Variants in ROCK1 observed in about 807,000 individuals in gnomAD.
The protein encoded by ROCK1 is rho-associated protein kinase 1.
Under a neutral mutation model 196.8 loss-of-function variants are expected in ROCK1, and 36 were observed. The ratio of observed to expected loss-of-function variants is 0.18; its 90% CI spans 0.14 to 0.24. The LOEUF (loss-of-function observed/expected upper bound fraction) is 0.24, where lower values mean the gene tolerates loss of function less well. Among genes scored for constraint, ROCK1 ranks in the 10% least tolerant of loss-of-function variants. ROCK1 has a pLI of 1.00. For missense variants in ROCK1, 920 were observed against 1,562.0 expected, an observed-to-expected ratio of 0.59 and a Z score of 6.93; for synonymous variants, 443 against 515.9, an observed-to-expected ratio of 0.86 and a Z score of 1.91.
chr18:21,057,479 T>C (rs2036253567), intron 2 of ROCK1, among the ~76,000 whole-genome samples: 1 of 152,168 alleles, frequency 6.6e-6, no homozygotes, highest in Non-Finnish European at 1.5e-5. Flanking sequence ...ATATATAAAC[T>C]CTTCAATCTA....
At chr18:21,038,093 T>C (rs2036072521) in intron 9 of ROCK1, among the ~76,000 whole-genome samples, 1 of 152,158 alleles carries the variant, frequency 6.6e-6, no homozygotes, top group Non-Finnish European at 1.5e-5. Context: ...AGATTTATAA[T>C]AATATTTGTA....
At position 21,049,798 on chromosome 18, in the gene ROCK1, T is replaced by A; in HGVS notation, c.258A>T (p.Ala86=). Residue 86 remains alanine, a synonymous_variant, in exon 3 of 33, where the codon GCA becomes GCT. Transcript: ENST00000399799. The part of the protein sequence containing the change: ...YEVVKVIGRG[A]FGEVQLVRHK... ...AACCTACCAATTGAACTTCTCCAAA[T>A]GCACCTCTACCAATCACCTTCACTA... The A allele has an allele frequency of 6.2e-7, 1 of 1,600,666 alleles. No individual in the cohort carries two copies. Among genetic ancestry groups the A allele is most frequent in the Non-Finnish European group, 8.5e-7 (1 of 1,171,854 alleles).
chr18:21,078,645 C>G (rs2143565652), intron 1 of ROCK1, among the ~76,000 whole-genome samples: 1 of 152,206 alleles, frequency 6.6e-6, no homozygotes, highest in Middle Eastern at 3.4e-3. Context: ...TAGTCTCCAC[C>G]ACAGGCTGGA....
intron 2 of ROCK1, among the ~76,000 whole-genome samples, chr18:21,054,680 T>A (rs1222098188): frequency 6.6e-6 from 1 of 152,130 alleles, no homozygotes; most frequent in Non-Finnish European, 1.5e-5. Context: ...TTACTGAACT[T>A]CTCTCCAATA....
chr18:20,973,288 T>C (rs1296702775), intron 22 of ROCK1, among the ~76,000 whole-genome samples: 1 of 152,158 alleles, frequency 6.6e-6, no homozygotes, highest in Non-Finnish European at 1.5e-5. Flanking sequence ...GTTGGAATCA[T>C]AATTTTTTTT....
At chr18:21,024,087 T>C (rs1238708144) in intron 10 of ROCK1, among the ~76,000 whole-genome samples, 1 of 152,060 alleles carries the variant, frequency 6.6e-6, no homozygotes, top group Non-Finnish European at 1.5e-5. Context: ...ATATAAGAAT[T>C]GGGGGTAAGA....
At chr18:21,042,532 G>A (rs2036116015) in intron 7 of ROCK1, 33 bp downstream of exon 7, 3 of 1,608,028 alleles carry the variant, frequency 1.9e-6, no homozygotes, top group East Asian at 2.2e-5. Flanking sequence ...ATGAACAACT[G>A]TAATAGAGAG....
At chr18:20,990,005 G>A (rs1404592971) in intron 18 of ROCK1, among the ~76,000 whole-genome samples, 2 of 152,098 alleles carry the variant, frequency 1.3e-5, no homozygotes, top group Non-Finnish European at 2.9e-5. Context: ...CACTTTGGGA[G>A]GCCGAGGTGG....
At chr18:21,013,656 G>GA (rs995636406) in intron 13 of ROCK1, among the ~76,000 whole-genome samples, 8 of 152,228 alleles carry the variant, frequency 5.3e-5, no homozygotes, top group Admixed American at 5.2e-4. Context: ...CACAGGAGAT[G>GA]AAAATTCCTT....
At chr18:21,074,315 T>G (rs1252951101) in intron 1 of ROCK1, among the ~76,000 whole-genome samples, 1 of 152,238 alleles carries the variant, frequency 6.6e-6, no homozygotes, top group East Asian at 1.9e-4. Context: ...GTGACATTAC[T>G]ATACCCATGT....
intron 16 of ROCK1, among the ~76,000 whole-genome samples, chr18:20,999,632 A>G (rs1418848838): frequency 6.6e-6 from 1 of 152,198 alleles, no homozygotes. Flanking sequence ...GAACAAAAAC[A>G]CTGCTGAAAC....
chr18:21,089,052 CTTTTT>C (rs75429805), intron 1 of ROCK1, among the ~76,000 whole-genome samples: 2 of 147,770 alleles, frequency 1.4e-5, no homozygotes, highest in East Asian at 2.0e-4. Context: ...TTTATTAAAA[CTTTTT>C]TTTTTTAAGA....
intron 16 of ROCK1, among the ~76,000 whole-genome samples, chr18:20,994,451 T>G (rs2035653249): frequency 6.6e-6 from 1 of 152,112 alleles, no homozygotes; most frequent in Non-Finnish European, 1.5e-5. Context: ...TTAGCCAACA[T>G]GGTGAAACCC....
Position 21,006,503 on chromosome 18 carries a change from A to G in ROCK1, c.1733T>C (p.Leu578Ser), listed in dbSNP as rs1230515235. 2 of 1,613,880 alleles carry G rather than the reference A, an allele frequency of 1.2e-6. No individual in the cohort carries two copies. Among genetic ancestry groups the G allele is most frequent in the Non-Finnish European group, 1.7e-6 (2 of 1,179,964 alleles). ...HTEMSKSISQ[L>S]ESLNRELQER... ...TTGCAACTCTCTGTTCAGGGACTCT[A>G]ACTGACTAATTGACTTGCTCATCTC... Residue 578 changes from leucine to serine, a missense_variant, in exon 16 of 33, where the codon TTA (leucine) becomes TCA (serine). Physicochemically the swap from Leu to Ser is moderately radical, Grantham distance 145. This residue lies in a region of ROCK1 where 520 missense variants were observed against 657.1 expected (regional missense o/e 0.79). Transcript: ENST00000399799.
At chr18:20,970,917 G>A (rs1598512500) in intron 22 of ROCK1, among the ~76,000 whole-genome samples, 1 of 152,222 alleles carries the variant, frequency 6.6e-6, no homozygotes, top group East Asian at 1.9e-4. Context: ...GAGACACTGG[G>A]CAAGTCCCTT....
At chr18:21,077,253 G>A (rs1235260225) in intron 1 of ROCK1, among the ~76,000 whole-genome samples, 5 of 152,048 alleles carry the variant, frequency 3.3e-5, no homozygotes, top group Admixed American at 6.5e-5. Flanking sequence ...GATTACAGGC[G>A]TGAGCCACCG....
At chr18:21,037,857 C>G (rs1001733869) in intron 9 of ROCK1, among the ~76,000 whole-genome samples, 7 of 152,000 alleles carry the variant, frequency 4.6e-5, no homozygotes, top group African/African-American at 1.7e-4. Context: ...GAACAGTGAT[C>G]AATATACAAC....
chr18:21,067,436 G>A (rs1472269450), intron 2 of ROCK1, among the ~76,000 whole-genome samples: 1 of 148,674 alleles, frequency 6.7e-6, no homozygotes, highest in East Asian at 2.0e-4. Context: ...GCCCAGGCTG[G>A]AGTGCAGTGG....
At chr18:21,032,295 G>GT (rs1239131157) in intron 9 of ROCK1, among the ~76,000 whole-genome samples, 1 of 152,020 alleles carries the variant, frequency 6.6e-6, no homozygotes, top group East Asian at 1.9e-4. Flanking sequence ...AAGTAAACTG[G>GT]TATCAATTCA....
Sources: gnomAD v4.1 joint callset for allele counts (sites outside exome capture counted in the v4.1 genomes callset) on GRCh38, gnomAD v4.1.1 for gene constraint, gnomAD v4.1.1 regional missense constraint, MANE v1.5 for transcripts, NCBI Gene and HGNC (gene_info 2026-07-23, HGNC 2026-07-21) for gene names.